LPP: variants seen among roughly 807,000 people sequenced by gnomAD.
LPP encodes LIM domain containing preferred translocation partner in lipoma, also known as lipoma-preferred partner.
A neutral mutation model predicts 60.4 loss-of-function variants in LPP; 38 were observed. The observed-to-expected ratio is 0.63, with a 90% CI of 0.49 to 0.83. LPP has a LOEUF of 0.83. Ranked by LOEUF, LPP falls within the 40% of genes least tolerant of loss-of-function variation. LPP has a pLI of 0.00. For synonymous variants in LPP, 328 were observed against 290.8 expected, an observed-to-expected ratio of 1.13 and a Z score of -1.30; for missense variants, 902 against 783.6, an observed-to-expected ratio of 1.15 and a Z score of -1.80.
chr3:188,214,816 C>T (rs1055945477), intron 1 of LPP, among the ~76,000 whole-genome samples: 1 of 152,078 alleles, frequency 6.6e-6, no homozygotes, highest in African/African-American at 2.4e-5. Context: ...TAAATAATAC[C>T]AGTATGAATA....
intron 2 of LPP, among the ~76,000 whole-genome samples, chr3:188,255,319 T>C (rs2149621608): frequency 6.6e-6 from 1 of 152,204 alleles, no homozygotes; most frequent in South Asian, 2.1e-4. Context: ...CTCAGAGACT[T>C]TGCATTAGTC....
chr3:188,752,676 G>A (rs536628429), intron 8 of LPP, among the ~76,000 whole-genome samples: 42 of 152,230 alleles, frequency 2.8e-4, no homozygotes, highest in Admixed American at 1.8e-3. Context: ...CCAACTTTCT[G>A]CCCCTCTCCG....
At chr3:188,215,749 C>T (rs1010020059) in intron 1 of LPP, among the ~76,000 whole-genome samples, 2 of 152,048 alleles carry the variant, frequency 1.3e-5, no homozygotes, top group Non-Finnish European at 2.9e-5. Context: ...AGTAAGTGGC[C>T]CAAAGTCACA....
chr3:188,824,343 G>A (rs1301596162), intron 9 of LPP, among the ~76,000 whole-genome samples: 5 of 152,154 alleles, frequency 3.3e-5, no homozygotes, highest in African/African-American at 1.2e-4. Context: ...GCCACATGTG[G>A]CTTCTTTAAA....
At chr3:188,327,070 T>C (rs2150451606) in intron 2 of LPP, among the ~76,000 whole-genome samples, 1 of 152,338 alleles carries the variant, frequency 6.6e-6, no homozygotes, top group South Asian at 2.1e-4. Flanking sequence ...AATGATGTTG[T>C]GTATCAACTC....
At chr3:188,302,177 T>A (rs966160882) in intron 2 of LPP, among the ~76,000 whole-genome samples, 1 of 152,188 alleles carries the variant, frequency 6.6e-6, no homozygotes, top group African/African-American at 2.4e-5. Context: ...CTCTCTCGTT[T>A]AATTCTCCCA....
At chr3:188,578,475 C>T (rs1180573618) in intron 6 of LPP, among the ~76,000 whole-genome samples, 2 of 152,162 alleles carry the variant, frequency 1.3e-5, no homozygotes, top group East Asian at 3.9e-4. Flanking sequence ...ATACTGTCTT[C>T]ATCAGTCCAT....
intron 7 of LPP, among the ~76,000 whole-genome samples, chr3:188,631,772 C>T (rs1032105990): frequency 6.6e-6 from 1 of 152,126 alleles, no homozygotes; most frequent in Non-Finnish European, 1.5e-5. Flanking sequence ...TTGAAGCATT[C>T]CAGGAACTCA....
At chr3:188,540,918 C>T (rs939154448) in intron 6 of LPP, among the ~76,000 whole-genome samples, 10 of 152,082 alleles carry the variant, frequency 6.6e-5, no homozygotes, top group Non-Finnish European at 1.5e-4. Context: ...TGTGCTTTGC[C>T]CAGCCCCCTT....
chr3:188,771,165 CATT>C (rs1159931260), intron 9 of LPP, among the ~76,000 whole-genome samples: 1 of 151,968 alleles, frequency 6.6e-6, no homozygotes, highest in Non-Finnish European at 1.5e-5. Flanking sequence ...TATATTATAA[CATT>C]GTAGAATTCA....
chr3:188,406,088 AAC>A, intron 3 of LPP, 22 bp from the exon 4 acceptor site: 1 of 1,595,058 alleles, frequency 6.3e-7, no homozygotes, highest in Non-Finnish European at 8.6e-7. Context: ...CTTCCATAAA[AAC>A]AGTGTTTCTT....
intron 2 of LPP, among the ~76,000 whole-genome samples, chr3:188,268,923 AG>A (rs1577710017): frequency 3.7e-5 from 2 of 54,218 alleles, no homozygotes; most frequent in African/African-American, 9.8e-5. Flanking sequence ...TATTATGTCC[AG>A]TTTGTTGATG....
chr3:188,509,894 T>C (rs1272967262), intron 5 of LPP, among the ~76,000 whole-genome samples: 1 of 104,098 alleles, frequency 9.6e-6, no homozygotes, highest in Non-Finnish European at 2.0e-5. Context: ...TTTTTTTGCA[T>C]CTTTAGTAGA....
chr3:188,453,324 A>G (rs1185139910), intron 4 of LPP, among the ~76,000 whole-genome samples: 1 of 151,846 alleles, frequency 6.6e-6, no homozygotes, highest in Non-Finnish European at 1.5e-5. Context: ...TTTGTTTGAG[A>G]CAGGGTCTCA....
At chr3:188,320,360 T>A (rs1756563363) in intron 2 of LPP, among the ~76,000 whole-genome samples, 1 of 152,184 alleles carries the variant, frequency 6.6e-6, no homozygotes, top group South Asian at 2.1e-4. Context: ...GACGACAATG[T>A]TGCGATTTGC....
At chr3:188,262,001 T>G (rs6796923) in intron 2 of LPP, among the ~76,000 whole-genome samples, 9,085 of 152,282 alleles carry the variant, frequency 0.06, 475 homozygotes, top group African/African-American at 0.14. Context: ...TTAGAAAGGT[T>G]GTTTCTTAAG....
intron 2 of LPP, among the ~76,000 whole-genome samples, chr3:188,240,666 A>T (rs1724165688): frequency 6.6e-6 from 1 of 151,684 alleles, no homozygotes; most frequent in Admixed American, 6.6e-5. Context: ...CTATCCAATC[A>T]TGTCAACTAG....
At position 188,624,779 on chromosome 3, in the gene LPP, TTTCCTTCC is replaced by T. The variant is rs10662278; in HGVS notation, c.1113+14959_1113+14966del. Among the ~76,000 whole-genome samples, 198 of 60,814 alleles carry T rather than the reference TTTCCTTCC, an allele frequency of 3.3e-3. 4 individuals carry two copies. The highest frequency in any genetic ancestry group is 7.1e-3 in the African/African-American group (112 of 15,666). The allele number at this position is 60,814 out of a possible 152,430, so 39.9% of individuals were successfully genotyped here. On this transcript the variant is annotated intron_variant, in intron 7 of 11. Coordinates refer to ENST00000617246, the MANE Select transcript of LPP (RefSeq NM_001375462.1). ...CTCCTTCTCCTTCTCCTTCCTTCCT[TTTCCTTCC>T]TTCCTTCCTTCCTTCCTTCCTTCTC...
intron 6 of LPP, among the ~76,000 whole-genome samples, chr3:188,582,816 A>C (rs1189304149): frequency 6.6e-6 from 1 of 152,188 alleles, no homozygotes; most frequent in Non-Finnish European, 1.5e-5. Context: ...CCAGAAGTTT[A>C]GGTATTATTT....
Sources: gnomAD v4.1 joint callset for allele counts (sites outside exome capture counted in the v4.1 genomes callset) on GRCh38, gnomAD v4.1.1 for gene constraint, MANE v1.5 for transcripts, NCBI Gene and HGNC (gene_info 2026-07-23, HGNC 2026-07-21) for gene names.